SGCD: variants seen among roughly 807,000 people sequenced by gnomAD.
The protein encoded by SGCD is delta-sarcoglycan.
Under a neutral mutation model 36.6 loss-of-function variants are expected in SGCD, and 18 were observed. That is an observed-to-expected ratio of 0.49 (90% CI 0.34 to 0.73). The LOEUF is 0.73. Among genes scored for constraint, SGCD ranks in the 30% least tolerant of loss-of-function variants. The pLI is 0.01. For missense variants in SGCD, 387 were observed against 346.7 expected, an observed-to-expected ratio of 1.12 and a Z score of -0.92; for synonymous variants, 133 against 130.6, an observed-to-expected ratio of 1.02 and a Z score of -0.12.
chr5:156,619,702 T>C (rs531211215), intron 6 of SGCD, among the ~76,000 whole-genome samples: 2 of 152,144 alleles, frequency 1.3e-5, no homozygotes, highest in Non-Finnish European at 2.9e-5. Context: ...AGGAATTTAA[T>C]GAGATGACAA....
chr5:156,306,656 T>A (rs1767220284), intron 3 of SGCD, among the ~76,000 whole-genome samples: 1 of 152,206 alleles, frequency 6.6e-6, no homozygotes, highest in Non-Finnish European at 1.5e-5. Flanking sequence ...TTCAAGACTA[T>A]CTTTTATACC....
At chr5:156,623,553 G>A (rs1364857151) in intron 6 of SGCD, among the ~76,000 whole-genome samples, 1 of 152,200 alleles carries the variant, frequency 6.6e-6, no homozygotes, top group Non-Finnish European at 1.5e-5. Flanking sequence ...GTTGGAAAGA[G>A]CACAAGCATA....
intron 2 of SGCD, among the ~76,000 whole-genome samples, chr5:156,344,009 T>C (rs1344847288): frequency 2.6e-5 from 4 of 152,184 alleles, no homozygotes; most frequent in African/African-American, 9.7e-5. Flanking sequence ...CGGTTGCCAC[T>C]GACTGGCAAT....
chr5:156,299,940 T>C (rs1216255098), intron 3 of SGCD, among the ~76,000 whole-genome samples: 3 of 152,156 alleles, frequency 2.0e-5, no homozygotes, highest in Non-Finnish European at 4.4e-5. Context: ...TCTTGTCTGG[T>C]TGCTCTAGCT....
intron 7 of SGCD, among the ~76,000 whole-genome samples, chr5:156,688,425 ACTCCACCTGCC>A (rs1304084127): frequency 2.0e-5 from 3 of 152,190 alleles, no homozygotes; most frequent in Admixed American, 2.0e-4. Flanking sequence ...AGCAGCAGCT[ACTCCACCTGCC>A]CTCTTACTTA....
At chr5:156,331,206 C>G (rs1768053819) in intron 2 of SGCD, among the ~76,000 whole-genome samples, 1 of 152,182 alleles carries the variant, frequency 6.6e-6, no homozygotes, top group South Asian at 2.1e-4. Context: ...TCTAGAAATT[C>G]CACATTTCCC....
chr5:156,531,628 G>A (rs186459370), intron 4 of SGCD, among the ~76,000 whole-genome samples: 46 of 152,256 alleles, frequency 3.0e-4, no homozygotes, highest in African/African-American at 1.1e-3. Flanking sequence ...AGCTGCACAT[G>A]ACAGTTTTTA....
intron 3 of SGCD, among the ~76,000 whole-genome samples, chr5:156,238,048 A>G (rs1451968386): frequency 1.3e-5 from 2 of 151,832 alleles, no homozygotes; most frequent in Non-Finnish European, 2.9e-5. Context: ...CCCGAGCTCA[A>G]GTGATCTTCC....
At chr5:155,891,196 C>G (rs938445460) in intron 1 of SGCD, among the ~76,000 whole-genome samples, 6 of 152,168 alleles carry the variant, frequency 3.9e-5, no homozygotes, top group Admixed American at 3.9e-4. Flanking sequence ...CTTTCTGGGC[C>G]CTACTGCACT....
chr5:156,032,735 A>AAAT, intron 1 of SGCD, among the ~76,000 whole-genome samples: 1 of 148,578 alleles, frequency 6.7e-6, no homozygotes, highest in South Asian at 2.1e-4. Flanking sequence ...AAAAAAAAAA[A>AAAT]AGAGTGTTTA....
intron 1 of SGCD, among the ~76,000 whole-genome samples, chr5:155,886,019 A>G (rs140557840): frequency 1.3e-5 from 2 of 152,306 alleles, no homozygotes; most frequent in East Asian, 1.9e-4. Context: ...TTGGCTGAAC[A>G]TTTATTTAGT....
intron 1 of SGCD, among the ~76,000 whole-genome samples, chr5:155,960,949 A>G (rs1355885785): frequency 6.6e-6 from 1 of 152,090 alleles, no homozygotes; most frequent in Non-Finnish European, 1.5e-5. Context: ...CCAGAACTCA[A>G]GCATTTTGAT....
At chr5:155,733,602 T>G in the SGCD span, among the ~76,000 whole-genome samples, 4 of 151,878 alleles carry the variant, frequency 2.6e-5, no homozygotes, top group African/African-American at 4.8e-5. Context: ...ATACCTTATA[T>G]TTTTAAAGGG....
intron 3 of SGCD, among the ~76,000 whole-genome samples, chr5:156,144,307 C>T (rs867259659): frequency 7.2e-5 from 11 of 152,086 alleles, no homozygotes; most frequent in Middle Eastern, 3.4e-3. Flanking sequence ...CCTGAGGAAT[C>T]GCCACACTGA....
At chr5:156,292,946 CTTTG>C (rs1175644049) in intron 3 of SGCD, among the ~76,000 whole-genome samples, 1 of 151,964 alleles carries the variant, frequency 6.6e-6, no homozygotes, top group East Asian at 1.9e-4. Context: ...TTTTGAGTTA[CTTTG>C]TTTATTTTTA....
the SGCD span, among the ~76,000 whole-genome samples, chr5:155,847,777 T>G: frequency 6.6e-6 from 1 of 152,194 alleles, no homozygotes; most frequent in African/African-American, 2.4e-5. Flanking sequence ...ACTCTCCAAC[T>G]GTACAAGCCA....
At position 155,978,828 on chromosome 5, in the gene SGCD, T is replaced by TA. The variant is rs879399983; in HGVS notation, c.-282+108415dup. On this transcript the variant is annotated intron_variant, in intron 1 of 9. Transcript: ENST00000517913. ...GGGAGGGGGGATATTGGAGTTATTT[T>TA]AAAAAAAAAAAGAGTTAAGGTGGAA... Among the ~76,000 whole-genome samples, 386 of 145,972 alleles carry TA rather than the reference T, an allele frequency of 2.6e-3. 1 individual carries two copies. The highest frequency in any genetic ancestry group is 8.4e-3 in the African/African-American group (335 of 40,098).
intron 1 of SGCD, among the ~76,000 whole-genome samples, chr5:156,099,196 C>T (rs924287895): frequency 1.3e-5 from 2 of 152,170 alleles, no homozygotes; most frequent in Non-Finnish European, 2.9e-5. Context: ...TCACCTATGA[C>T]AGTTCTTTTT....
chr5:155,942,126 A>G (rs959935852), intron 1 of SGCD, among the ~76,000 whole-genome samples: 13 of 152,164 alleles, frequency 8.5e-5, no homozygotes, highest in African/African-American at 2.2e-4. Flanking sequence ...TATATATGTA[A>G]TATAGTATTA....
Sources: allele counts gnomAD v4.1 joint callset (sites outside exome capture counted in the v4.1 genomes callset), GRCh38; gene constraint gnomAD v4.1.1; transcripts MANE v1.5; gene names NCBI Gene and HGNC (gene_info 2026-07-23, HGNC 2026-07-21).